Variants in FAM151B observed in about 807,000 individuals in gnomAD.
FAM151B encodes the protein protein FAM151B.
Under a neutral mutation model 31.2 loss-of-function variants are expected in FAM151B, and 24 were observed. That is an observed-to-expected ratio of 0.77 (90% CI 0.56 to 1.08). The LOEUF (loss-of-function observed/expected upper bound fraction) is 1.08. Among genes scored for constraint, FAM151B ranks in the 50% least tolerant of loss-of-function variants. FAM151B has a pLI of 0.00. For synonymous variants in FAM151B, 105 were observed against 111.4 expected, an observed-to-expected ratio of 0.94 and a Z score of 0.36; for missense variants, 293 against 328.6, an observed-to-expected ratio of 0.89 and a Z score of 0.84.
chr5:80,519,061 A>G (rs549475763), intron 3 of FAM151B: 1 of 152,332 alleles, frequency 6.6e-6, no homozygotes, highest in African/African-American at 2.4e-5. Flanking sequence ...TGCTTTTTAA[A>G]TTTGAACTAA....
At chr5:80,538,434 TTCTTTCTTTCTTTC>T (rs1561383377) in intron 5 of FAM151B, among the ~76,000 whole-genome samples, 74 of 57,530 alleles carry the variant, frequency 1.3e-3, no homozygotes, top group African/African-American at 3.5e-3. Flanking sequence ...CTTTCTTTCT[TTCTTTCTTTCTTTC>T]TCTTTCTTTC....
chr5:80,501,672 C>CTATA (rs137888883), intron 1 of FAM151B, 120 bp from the exon 2 acceptor site: 53 of 591,422 alleles, frequency 9.0e-5, no homozygotes, highest in Non-Finnish European at 3.4e-5. Flanking sequence ...ATCTATCTAT[C>CTATA]TATATATATA....
chr5:80,519,386 T>C (rs1353330936), intron 3 of FAM151B, among the ~76,000 whole-genome samples: 2 of 152,220 alleles, frequency 1.3e-5, no homozygotes, highest in Admixed American at 6.5e-5. Flanking sequence ...TTTAAAAAAC[T>C]GTTTTCACAC....
rs866648683 is a variant in FAM151B, at chr5:80,505,540, A to G, written c.151+3623A>G. Among the ~76,000 whole-genome samples, 187 of 149,450 alleles carry G rather than the reference A, an allele frequency of 1.3e-3. 2 individuals are homozygous for G. The highest frequency in any genetic ancestry group is 4.2e-3 in the African/African-American group (172 of 40,728). On this transcript the variant is annotated intron_variant, in intron 2 of 5. Coordinates refer to ENST00000282226, the MANE Select transcript of FAM151B (RefSeq NM_205548.3). ...CTCCCAAGTAGCTGGGACTGCAGGCACCCGCCATCACGCCTGGCTAATTTT... is the reference window on the plus strand; with the variant it reads ...CTCCCAAGTAGCTGGGACTGCAGGCGCCCGCCATCACGCCTGGCTAATTTT...
At chr5:80,508,270 G>C (rs1744053357) in intron 2 of FAM151B, among the ~76,000 whole-genome samples, 1 of 152,062 alleles carries the variant, frequency 6.6e-6, no homozygotes, top group Admixed American at 6.6e-5. Context: ...TGTGTTTTCA[G>C]TTCTCTTGCT....
In FAM151B at chr5:80,521,116, C is replaced by CTTT. The variant is rs57212651; in HGVS notation, c.536-864_536-862dup. On this transcript the variant is annotated intron_variant, in intron 4 of 5. Coordinates refer to ENST00000282226, the MANE Select transcript of FAM151B (RefSeq NM_205548.3). ...ACAGGCATGAGCCACTGCACCTGGC[C>CTTT]TTTTTTTTTTTTTTTTTTTTTTTTT... Among the ~76,000 whole-genome samples the CTTT allele has an allele frequency of 5.3e-3, 381 of 71,826 alleles. 10 individuals carry two copies. The highest frequency in any genetic ancestry group is 0.015 in the Middle Eastern group (1 of 66). The allele number at this position is 71,826 out of a possible 152,430, so 47.1% of individuals were successfully genotyped here. A position where few individuals can be genotyped will look rare whatever the true frequency, so the allele number is the denominator to read the frequency against.
intron 5 of FAM151B, among the ~76,000 whole-genome samples, chr5:80,538,504 T>C (rs1281487695): frequency 0.011 from 1,142 of 102,706 alleles, 42 homozygotes; most frequent in Middle Eastern, 0.045. Context: ...CCTTCCTTTC[T>C]TTTCTTTCTT....
At chr5:80,500,329 A>G in intron 1 of FAM151B, 2 of 856,322 alleles carry the variant, frequency 2.3e-6, no homozygotes, top group Non-Finnish European at 3.9e-6. Flanking sequence ...TTCCGGCTGG[A>G]ACCATGGAGG....
chr5:80,512,729 G>A (rs1335278195), intron 2 of FAM151B, among the ~76,000 whole-genome samples: 1 of 146,924 alleles, frequency 6.8e-6, no homozygotes. Context: ...CTTCGGTGAA[G>A]TATAATGCTG....
Position 80,541,723 on chromosome 5 carries a change from A to G in FAM151B, c.722A>G (p.Asp241Gly), listed in dbSNP as rs1427790922. The change falls in exon 6 of 6, where the codon GAT becomes GGT. Residue 241 changes from aspartate to glycine, a missense_variant. By Grantham distance (94) the Asp-to-Gly change is moderately conservative. Transcript: ENST00000282226. The part of the protein sequence containing the change: ...TGKNDNYSVE[D>G]LLYIRDHFDK... ...AAAAATGATAACTATTCCGTTGAAGATTTACTTTACATTAGAGACCATTTT... is the reference window on the plus strand; with the variant it reads ...AAAAATGATAACTATTCCGTTGAAGGTTTACTTTACATTAGAGACCATTTT... 6.2e-7 allele frequency: 1 copy of G among 1,613,730 alleles called. No individual in the cohort carries two copies. The highest frequency in any genetic ancestry group is 8.5e-7 in the Non-Finnish European group (1 of 1,179,784).
intron 1 of FAM151B, chr5:80,498,658 T>C: frequency 1.5e-6 from 1 of 684,214 alleles, no homozygotes; most frequent in Non-Finnish European, 2.7e-6. Context: ...TGTCTAATTT[T>C]GCCATTCTCT....
intron 4 of FAM151B, among the ~76,000 whole-genome samples, chr5:80,521,801 A>T (rs1262563294): frequency 6.6e-6 from 1 of 152,092 alleles, no homozygotes; most frequent in Non-Finnish European, 1.5e-5. Flanking sequence ...TCACTTGTGG[A>T]ATGATTTTTT....
At chr5:80,506,047 C>T (rs571353070) in intron 2 of FAM151B, 40 of 986,714 alleles carry the variant, frequency 4.1e-5, no homozygotes, top group Middle Eastern at 4.6e-4. Context: ...TGAGCCACCA[C>T]GCCCGGCCAA....
intron 2 of FAM151B, among the ~76,000 whole-genome samples, chr5:80,506,410 C>T (rs906162696): frequency 6.6e-6 from 1 of 152,160 alleles, no homozygotes; most frequent in Non-Finnish European, 1.5e-5. Flanking sequence ...ATCACAATAA[C>T]ATCACTGAGC....
intron 3 of FAM151B, 115 bp downstream of exon 3, chr5:80,513,884 C>A: frequency 9.5e-7 from 1 of 1,052,418 alleles, no homozygotes; most frequent in Non-Finnish European, 1.3e-6. Context: ...TAATATATTT[C>A]AGGACTGAAC....
intron 5 of FAM151B, 37 bp from the exon 6 acceptor site, chr5:80,541,636 A>G: frequency 6.3e-7 from 1 of 1,598,742 alleles, no homozygotes; most frequent in South Asian, 1.1e-5. Flanking sequence ...GCTTTCTTCC[A>G]CTTTTAACTG....
At chr5:80,494,509 T>A (rs1186682161) in intron 1 of FAM151B, among the ~76,000 whole-genome samples, 1 of 149,714 alleles carries the variant, frequency 6.7e-6, no homozygotes, top group African/African-American at 2.5e-5. Context: ...TCTTTCTTTC[T>A]TTCTTTCTTT....
intron 5 of FAM151B, among the ~76,000 whole-genome samples, chr5:80,529,957 C>T (rs889770981): frequency 1.3e-4 from 20 of 152,164 alleles, no homozygotes; most frequent in South Asian, 4.1e-4. Flanking sequence ...GACCAATATC[C>T]GTGATGAACA....
intron 4 of FAM151B, 29 bp downstream of exon 4, chr5:80,519,939 T>A (rs1467152296): frequency 1.9e-6 from 3 of 1,588,722 alleles, no homozygotes; most frequent in Non-Finnish European, 2.6e-6. Flanking sequence ...TATTTCTTGG[T>A]CAAATTAAAA....
Sources: allele counts gnomAD v4.1 joint callset (sites outside exome capture counted in the v4.1 genomes callset), GRCh38; gene constraint gnomAD v4.1.1; transcripts MANE v1.5; gene names NCBI Gene and HGNC (gene_info 2026-07-23, HGNC 2026-07-21).